The following UBAC2 variants were observed in gnomAD, a reference collection of about 807,000 sequenced individuals.
The protein encoded by UBAC2 is ubiquitin-associated domain-containing protein 2.
Under a neutral mutation model 44.0 loss-of-function variants are expected in UBAC2, and 26 were observed. The observed-to-expected ratio is 0.59, with a 90% CI of 0.43 to 0.82. The LOEUF (loss-of-function observed/expected upper bound fraction) is 0.82, where lower values mean the gene tolerates loss of function less well. Ranked by LOEUF, UBAC2 falls within the 40% of genes least tolerant of loss-of-function variation. UBAC2 has a pLI of 0.00. For missense variants in UBAC2, 329 were observed against 419.4 expected (o/e 0.78, Z 1.88); for synonymous variants, 155 against 154.3 (o/e 1.00, Z -0.04).
chr13:99,352,904 G>A (rs2045117226), intron 7 of UBAC2, among the ~76,000 whole-genome samples: 1 of 152,200 alleles, frequency 6.6e-6, no homozygotes, highest in Non-Finnish European at 1.5e-5. Context: ...TCCGGGGTAG[G>A]GGCAGTGCAC....
intron 1 of UBAC2, among the ~76,000 whole-genome samples, chr13:99,205,410 T>A (rs951324369): frequency 4.6e-5 from 7 of 152,108 alleles, no homozygotes; most frequent in African/African-American, 1.7e-4. Flanking sequence ...GGAGCGGTGG[T>A]TGTCAAACGC....
intron 5 of UBAC2, among the ~76,000 whole-genome samples, chr13:99,316,025 C>T (rs1412447270): frequency 6.6e-6 from 1 of 151,818 alleles, no homozygotes; most frequent in Non-Finnish European, 1.5e-5. Flanking sequence ...TTACACAGCT[C>T]ACCATGAGGG....
At chr13:99,227,071 G>A (rs1289599323) in intron 1 of UBAC2, among the ~76,000 whole-genome samples, 2 of 152,068 alleles carry the variant, frequency 1.3e-5, no homozygotes, top group African/African-American at 2.4e-5. Context: ...GGTGGTGCAT[G>A]CCTGTAATCC....
chr13:99,350,879 G>A (rs2045075025), intron 7 of UBAC2, among the ~76,000 whole-genome samples: 1 of 152,210 alleles, frequency 6.6e-6, no homozygotes. Context: ...TGTGGGGATT[G>A]AGTTAAATTA....
chr13:99,257,695 GCTTTT>G (rs1185877377), intron 4 of UBAC2, among the ~76,000 whole-genome samples: 1 of 152,102 alleles, frequency 6.6e-6, no homozygotes, highest in Non-Finnish European at 1.5e-5. Flanking sequence ...ATTATCTGTA[GCTTTT>G]CTTTTCTTAA....
intron 1 of UBAC2, among the ~76,000 whole-genome samples, chr13:99,206,182 G>C (rs762235340): frequency 7.9e-5 from 12 of 152,200 alleles, no homozygotes; most frequent in African/African-American, 1.4e-4. Flanking sequence ...TCCGGTCAGA[G>C]GTACTCGGGA....
At chr13:99,271,433 G>A (rs1379084024) in intron 4 of UBAC2, among the ~76,000 whole-genome samples, 1 of 152,140 alleles carries the variant, frequency 6.6e-6, no homozygotes, top group Non-Finnish European at 1.5e-5. Flanking sequence ...AGTGATGGGG[G>A]GATGGGGTGT....
At chr13:99,299,510 A>G (rs2044226330) in intron 4 of UBAC2, among the ~76,000 whole-genome samples, 1 of 152,198 alleles carries the variant, frequency 6.6e-6, no homozygotes, top group Admixed American at 6.5e-5. Context: ...ATAATTTTGT[A>G]TGAGTAATTT....
chr13:99,348,555 G>A (rs933821211), intron 7 of UBAC2, among the ~76,000 whole-genome samples: 2 of 152,234 alleles, frequency 1.3e-5, no homozygotes, highest in Non-Finnish European at 2.9e-5. Context: ...GACATGGTTG[G>A]GAAGAGAGCA....
intron 1 of UBAC2, among the ~76,000 whole-genome samples, chr13:99,206,690 T>G (rs1189328390): frequency 6.6e-6 from 1 of 152,240 alleles, no homozygotes; most frequent in African/African-American, 2.4e-5. Flanking sequence ...GGGTCAAGTC[T>G]GGGCCCTTGG....
intron 4 of UBAC2, chr13:99,307,335 C>CT (rs1448435639): frequency 6.6e-6 from 1 of 152,136 alleles, no homozygotes; most frequent in Non-Finnish European, 1.5e-5. Flanking sequence ...AGATCTTGTA[C>CT]TTACATATCA....
Position 99,268,547 on chromosome 13 carries a change from G to T in UBAC2, c.389+23923G>T, listed in dbSNP as rs148400082. Among the ~76,000 whole-genome samples, 1,115 of 142,002 alleles carry T rather than the reference G, an allele frequency of 7.9e-3. 9 individuals are homozygous for T. The highest frequency in any genetic ancestry group is 0.057 in the South Asian group (255 of 4,470). 93.2% of individuals were successfully genotyped at this position (142,002 alleles called of 152,430 possible). A position where few individuals can be genotyped will look rare whatever the true frequency, so the allele number is the denominator to read the frequency against. ...CACCTGAGCCTGGAGGGCCGAGGCT[G>T]CAGTGAGCCATGATCCTGTCACTGC... On this transcript the variant is annotated intron_variant, in intron 4 of 8. Transcript: ENST00000403766.
intron 8 of UBAC2, among the ~76,000 whole-genome samples, chr13:99,382,700 C>A (rs2045566804): frequency 6.6e-6 from 1 of 152,222 alleles, no homozygotes; most frequent in South Asian, 2.1e-4. Context: ...GAAGCTATCA[C>A]CCCACAGACA....
chr13:99,269,697 T>G (rs1594073054), intron 4 of UBAC2, among the ~76,000 whole-genome samples: 6 of 152,216 alleles, frequency 3.9e-5, no homozygotes, highest in Admixed American at 3.9e-4. Flanking sequence ...TTTTTCATAT[T>G]ATTACTACGA....
intron 8 of UBAC2, among the ~76,000 whole-genome samples, chr13:99,374,618 A>G (rs2045455924): frequency 6.6e-6 from 1 of 152,226 alleles, no homozygotes; most frequent in Admixed American, 6.5e-5. Context: ...TTCTCATCTC[A>G]GGAATCCTTA....
At chr13:99,224,523 T>C (rs2043089270) in intron 1 of UBAC2, among the ~76,000 whole-genome samples, 1 of 152,240 alleles carries the variant, frequency 6.6e-6, no homozygotes, top group Non-Finnish European at 1.5e-5. Flanking sequence ...TTTTGCTTCA[T>C]TGAAATCCTT....
At chr13:99,261,976 A>G (rs1162113647) in intron 4 of UBAC2, among the ~76,000 whole-genome samples, 1 of 152,250 alleles carries the variant, frequency 6.6e-6, no homozygotes, top group Non-Finnish European at 1.5e-5. Flanking sequence ...AAAATTCCAG[A>G]AATAAACAAT....
At chr13:99,349,830 A>ACAG (rs1323646370) in intron 7 of UBAC2, among the ~76,000 whole-genome samples, 2 of 152,146 alleles carry the variant, frequency 1.3e-5, no homozygotes, top group Non-Finnish European at 2.9e-5. Flanking sequence ...GGGGTTTAGG[A>ACAG]CTTCGGATGA....
intron 4 of UBAC2, among the ~76,000 whole-genome samples, chr13:99,276,726 G>A (rs2043888364): frequency 6.6e-6 from 1 of 152,232 alleles, no homozygotes; most frequent in Non-Finnish European, 1.5e-5. Context: ...AGCTCCATCT[G>A]AGGCTATCCA....
Sources: allele counts gnomAD v4.1 joint callset (sites outside exome capture counted in the v4.1 genomes callset), GRCh38; gene constraint gnomAD v4.1.1; transcripts MANE v1.5; gene names NCBI Gene and HGNC (gene_info 2026-07-23, HGNC 2026-07-21).